The following SNTG1 variants were observed in gnomAD, a reference collection of about 807,000 sequenced individuals.
SNTG1 encodes syntrophin gamma 1.
Under a neutral mutation model 74.7 loss-of-function variants are expected in SNTG1, and 39 were observed. The ratio of observed to expected loss-of-function variants is 0.52; its 90% CI spans 0.40 to 0.68. The LOEUF is 0.68. Among genes scored for constraint, SNTG1 ranks in the 30% least tolerant of loss-of-function variants. The pLI, the probability that SNTG1 is intolerant of heterozygous loss-of-function variation, is 0.00. For missense variants in SNTG1, 685 were observed against 609.5 expected (o/e 1.12, Z -1.30); for synonymous variants, 254 against 217.1 (o/e 1.17, Z -1.49).
chr8:50,646,673 G>A (rs2095111163), intron 13 of SNTG1, among the ~76,000 whole-genome samples: 1 of 152,108 alleles, frequency 6.6e-6, no homozygotes, highest in Non-Finnish European at 1.5e-5. Flanking sequence ...AGGGACAAAT[G>A]TAGAAATGTA....
chr8:50,773,324 C>A (rs1183347739), intron 18 of SNTG1, among the ~76,000 whole-genome samples: 2 of 152,088 alleles, frequency 1.3e-5, no homozygotes, highest in Non-Finnish European at 2.9e-5. Flanking sequence ...TAGAAGGGCA[C>A]ATGAATGTGC....
At chr8:50,153,085 T>C (rs1263491702) in intron 1 of SNTG1, among the ~76,000 whole-genome samples, 1 of 152,216 alleles carries the variant, frequency 6.6e-6, no homozygotes, top group African/African-American at 2.4e-5. Context: ...ACCATATTTC[T>C]TGGAGGCCTT....
chr8:50,494,902 C>G (rs748133920), intron 8 of SNTG1, among the ~76,000 whole-genome samples: 7 of 151,880 alleles, frequency 4.6e-5, no homozygotes, highest in Admixed American at 6.6e-5. Flanking sequence ...ATAGGTGGCT[C>G]TTTTCTATAT....
intron 13 of SNTG1, among the ~76,000 whole-genome samples, chr8:50,596,573 C>G (rs1166060517): frequency 2.0e-5 from 3 of 151,936 alleles, no homozygotes; most frequent in Non-Finnish European, 4.4e-5. Flanking sequence ...TATTCCTCTA[C>G]CAAAATACAA....
At chr8:50,324,739 T>C (rs2090670015) in intron 2 of SNTG1, among the ~76,000 whole-genome samples, 1 of 151,978 alleles carries the variant, frequency 6.6e-6, no homozygotes, top group South Asian at 2.1e-4. Context: ...GTAGAGCAGA[T>C]ATGTTTAATT....
chr8:50,610,910 T>C (rs903927669), intron 13 of SNTG1, among the ~76,000 whole-genome samples: 10 of 152,170 alleles, frequency 6.6e-5, no homozygotes, highest in African/African-American at 9.7e-5. Flanking sequence ...GCTTTATATT[T>C]GTTTTATGTG....
intron 15 of SNTG1, among the ~76,000 whole-genome samples, chr8:50,680,810 C>T (rs2095327984): frequency 6.6e-6 from 1 of 152,114 alleles, no homozygotes. Context: ...TATGTGCTCG[C>T]AGCTCCAACC....
intron 8 of SNTG1, among the ~76,000 whole-genome samples, chr8:50,483,292 A>T (rs1350334977): frequency 6.6e-6 from 1 of 152,222 alleles, no homozygotes; most frequent in African/African-American, 2.4e-5. Context: ...CTATGAAGTG[A>T]TAGAATGGAT....
chr8:50,175,528 A>G (rs2082966120), intron 2 of SNTG1, among the ~76,000 whole-genome samples: 1 of 152,206 alleles, frequency 6.6e-6, no homozygotes, highest in Non-Finnish European at 1.5e-5. Context: ...TCAGTGGCCA[A>G]GCTGTTGCTG....
intron 17 of SNTG1, among the ~76,000 whole-genome samples, chr8:50,718,973 A>C (rs1037913863): frequency 6.6e-6 from 1 of 152,144 alleles, no homozygotes; most frequent in Non-Finnish European, 1.5e-5. Flanking sequence ...CTCTGAGGAT[A>C]CTCATTTGTT....
chr8:49,947,588 T>C (rs1809317199), intron 1 of SNTG1, among the ~76,000 whole-genome samples: 1 of 152,204 alleles, frequency 6.6e-6, no homozygotes, highest in South Asian at 2.1e-4. Context: ...GTTGTCTATG[T>C]AGATGAACAT....
chr8:50,136,888 A>G (rs554143120), intron 1 of SNTG1, among the ~76,000 whole-genome samples: 17 of 152,116 alleles, frequency 1.1e-4, no homozygotes, highest in Admixed American at 4.6e-4. Flanking sequence ...CAAAATGAGG[A>G]AGAGGTCAGG....
At chr8:50,675,001 C>T (rs2095303536) in intron 15 of SNTG1, among the ~76,000 whole-genome samples, 2 of 152,016 alleles carry the variant, frequency 1.3e-5, no homozygotes, top group Admixed American at 1.3e-4. Context: ...ATCCTGAGTT[C>T]TAATTTTATT....
At chr8:50,206,943 T>G (rs1043603764) in intron 2 of SNTG1, among the ~76,000 whole-genome samples, 2 of 152,230 alleles carry the variant, frequency 1.3e-5, no homozygotes, top group African/African-American at 4.8e-5. Context: ...ATAACCTTTT[T>G]GACGTGCTGC....
intron 1 of SNTG1, among the ~76,000 whole-genome samples, chr8:50,120,031 T>C (rs1312063503): frequency 7.0e-6 from 1 of 141,932 alleles, no homozygotes; most frequent in African/African-American, 2.5e-5. Flanking sequence ...AAGATGAAGA[T>C]GAAACCAGTC....
intron 2 of SNTG1, among the ~76,000 whole-genome samples, chr8:50,319,804 TC>T (rs1337297764): frequency 2.0e-5 from 3 of 152,224 alleles, no homozygotes; most frequent in African/African-American, 7.2e-5. Flanking sequence ...TGTCCTTCAT[TC>T]TGTTGATACA....
chr8:50,494,361 C>T lies in SNTG1; in HGVS notation c.364-8417C>T, dbSNP rs1028615962. Among the ~76,000 whole-genome samples the T allele has an allele frequency of 3.3e-5, 5 of 151,764 alleles. No individual in the cohort carries two copies. The South Asian group carries it at 6.2e-4, about 19-fold the overall frequency. ...TATGTATTTATATTAATAATTGTCT[C>T]GTTTATTTTATTTATACTACCACAT... On this transcript the variant is annotated intron_variant, in intron 8 of 18. Coordinates refer to ENST00000642720, the MANE Select transcript of SNTG1 (RefSeq NM_018967.5).
chr8:50,209,923 C>A (rs895603086), intron 2 of SNTG1, among the ~76,000 whole-genome samples: 2 of 152,186 alleles, frequency 1.3e-5, no homozygotes, highest in African/African-American at 4.8e-5. Context: ...TAATAAGAAA[C>A]TTCTCTGAAC....
chr8:50,718,265 G>C (rs2095479477), intron 17 of SNTG1, among the ~76,000 whole-genome samples: 1 of 152,206 alleles, frequency 6.6e-6, no homozygotes, highest in African/African-American at 2.4e-5. Flanking sequence ...GACAGAGGAG[G>C]AGGAAAATTA....
Sources: gnomAD v4.1 joint callset for allele counts (sites outside exome capture counted in the v4.1 genomes callset) on GRCh38, gnomAD v4.1.1 for gene constraint, MANE v1.5 for transcripts, NCBI Gene and HGNC (gene_info 2026-07-23, HGNC 2026-07-21) for gene names.